The following RIPOR3 variants were observed in gnomAD, a reference collection of about 807,000 sequenced individuals.
RIPOR3 encodes the protein family with sequence similarity 65 member C.
Under a neutral mutation model 114.3 loss-of-function variants are expected in RIPOR3, and 95 were observed. The observed-to-expected ratio is 0.83, with a 90% CI of 0.70 to 0.99. The LOEUF (loss-of-function observed/expected upper bound fraction) is 0.99. Ranked by LOEUF, RIPOR3 falls within the 50% of genes least tolerant of loss-of-function variation. RIPOR3 has a pLI of 0.00. For synonymous variants in RIPOR3, 575 were observed against 543.8 expected (o/e 1.06, Z -0.80); for missense variants, 1,252 against 1,266.9 (o/e 0.99, Z 0.18).
chr20:50,649,357 A>G (rs1818879039), intron 1 of RIPOR3, among the ~76,000 whole-genome samples: 1 of 152,192 alleles, frequency 6.6e-6, no homozygotes. Context: ...AGGCAGGAGA[A>G]TCGCTCAAAC....
intron 11 of RIPOR3, among the ~76,000 whole-genome samples, chr20:50,606,115 G>A (rs777235409): frequency 6.6e-6 from 1 of 152,190 alleles, no homozygotes; most frequent in Non-Finnish European, 1.5e-5. Context: ...CTGAGGCTGG[G>A]GAATCGCTTA....
intron 2 of RIPOR3, among the ~76,000 whole-genome samples, chr20:50,624,377 C>A (rs1489659079): frequency 6.6e-6 from 1 of 152,178 alleles, no homozygotes; most frequent in Non-Finnish European, 1.5e-5. Context: ...CGCTCACTCC[C>A]AGCTCCTGCC....
chr20:50,622,087 G>A (rs560536134), intron 2 of RIPOR3, among the ~76,000 whole-genome samples: 1 of 152,270 alleles, frequency 6.6e-6, no homozygotes, highest in East Asian at 1.9e-4. Context: ...AAAGCCATCA[G>A]CCAGGCGCCC....
At chr20:50,623,927 C>T (rs2084520845) in intron 2 of RIPOR3, among the ~76,000 whole-genome samples, 1 of 152,340 alleles carries the variant, frequency 6.6e-6, no homozygotes, top group Admixed American at 6.5e-5. Context: ...ACCTCCGCCT[C>T]CCAGGTTCAA....
chr20:50,636,947 T>G (rs2085010640), intron 1 of RIPOR3: 1 of 982,660 alleles, frequency 1.0e-6, no homozygotes, highest in Non-Finnish European at 1.2e-6. Context: ...GGGCTCCTTT[T>G]TATCCACTCA....
intron 1 of RIPOR3, among the ~76,000 whole-genome samples, chr20:50,649,742 G>A (rs1467579034): frequency 6.6e-6 from 1 of 152,224 alleles, no homozygotes; most frequent in African/African-American, 2.4e-5. Flanking sequence ...CCAATGGGGT[G>A]AGTTTACAGG....
Position 50,586,138 on chromosome 20 carries a change from T to A in RIPOR3, c.*1094A>T, listed in dbSNP as rs1199233542. 1 of 156,880 alleles carries A rather than the reference T, an allele frequency of 6.4e-6. No homozygotes were observed. Among genetic ancestry groups the A allele is most frequent in the Non-Finnish European group, 1.4e-5 (1 of 70,546 alleles). The allele number at this position is 156,880 out of a possible 1,614,324, so 9.7% of individuals were successfully genotyped here. On this transcript the variant is annotated 3_prime_UTR_variant, in exon 22 of 22. Coordinates refer to ENST00000327979, the MANE Select transcript of RIPOR3 (RefSeq NM_001290268.2). Reference sequence around the variant, plus strand: ...GGTAAAAAGTGAAACACCAATAGTTTAATTGAAATTTCAGAAAATTGAACA... The same window carrying A: ...GGTAAAAAGTGAAACACCAATAGTTAAATTGAAATTTCAGAAAATTGAACA...
At chr20:50,638,116 G>A (rs992642211) in intron 1 of RIPOR3, among the ~76,000 whole-genome samples, 9 of 152,182 alleles carry the variant, frequency 5.9e-5, no homozygotes, top group African/African-American at 2.2e-4. Context: ...GGCAGCCCAT[G>A]GTCCTGGCTC....
intron 1 of RIPOR3, among the ~76,000 whole-genome samples, chr20:50,646,982 A>C (rs1378187247): frequency 6.6e-6 from 1 of 152,156 alleles, no homozygotes; most frequent in Non-Finnish European, 1.5e-5. Flanking sequence ...TAGCATAGGT[A>C]GTTCCCATAA....
At chr20:50,610,954 C>T (rs1416853396) in intron 5 of RIPOR3, 48 bp from the exon 6 acceptor site, 1 of 1,613,254 alleles carries the variant, frequency 6.2e-7, no homozygotes, top group Admixed American at 1.7e-5. Flanking sequence ...CTGGGCCACC[C>T]ACCTGCCCCG....
chr20:50,688,046 AG>A (rs1233884355), intron 1 of RIPOR3, among the ~76,000 whole-genome samples: 4 of 113,504 alleles, frequency 3.5e-5, no homozygotes, highest in African/African-American at 1.3e-4. Context: ...TTTTGCCCCC[AG>A]CAAAATCTGT....
chr20:50,631,189 C>T (rs4811085), intron 1 of RIPOR3, among the ~76,000 whole-genome samples: 17,272 of 152,170 alleles, frequency 0.11, 1,040 homozygotes, highest in African/African-American at 0.14. Flanking sequence ...TCTCCTCTCC[C>T]CTCCTCCAGC....
chr20:50,621,099 C>T (rs999687321), intron 2 of RIPOR3: 19 of 295,004 alleles, frequency 6.4e-5, no homozygotes, highest in African/African-American at 1.5e-4. Context: ...TGCCCTCTCC[C>T]GGAAATATAG....
intron 7 of RIPOR3, 91 bp downstream of exon 7, chr20:50,609,482 T>A: frequency 2.7e-6 from 4 of 1,456,222 alleles, no homozygotes; most frequent in Non-Finnish European, 3.6e-6. Context: ...GAACACCTCC[T>A]CCAGCCCCCA....
At chr20:50,590,586 G>A (rs1232449607) in intron 19 of RIPOR3, among the ~76,000 whole-genome samples, 1 of 152,226 alleles carries the variant, frequency 6.6e-6, no homozygotes, top group Admixed American at 6.5e-5. Context: ...CAGACTGGGA[G>A]TAGGATCGGG....
chr20:50,675,677 C>G (rs2086655681), intron 1 of RIPOR3, among the ~76,000 whole-genome samples: 1 of 152,218 alleles, frequency 6.6e-6, no homozygotes, highest in Non-Finnish European at 1.5e-5. Context: ...TCTGACAAAG[C>G]CAGGTTCATC....
intron 1 of RIPOR3, among the ~76,000 whole-genome samples, chr20:50,684,275 C>T (rs968662897): frequency 5.9e-5 from 9 of 152,104 alleles, no homozygotes; most frequent in Non-Finnish European, 1.2e-4. Flanking sequence ...GGCCTCGCTG[C>T]AAAGGTGATG....
chr20:50,615,931 G>T, intron 4 of RIPOR3, 71 bp downstream of exon 4: 1 of 1,417,650 alleles, frequency 7.1e-7, no homozygotes, highest in Non-Finnish European at 9.7e-7. Context: ...TAGGCTAGAA[G>T]GAACGCAGGG....
chr20:50,668,305 C>T (rs976339623), intron 1 of RIPOR3, among the ~76,000 whole-genome samples: 1 of 152,168 alleles, frequency 6.6e-6, no homozygotes, highest in Admixed American at 6.5e-5. Flanking sequence ...GAGAGGAGGA[C>T]ATTCCTAATG....
Sources: allele counts gnomAD v4.1 joint callset (sites outside exome capture counted in the v4.1 genomes callset), GRCh38; gene constraint gnomAD v4.1.1; transcripts MANE v1.5; gene names NCBI Gene and HGNC (gene_info 2026-07-23, HGNC 2026-07-21).